Variants in TTC7B observed in about 807,000 individuals in gnomAD.
The protein encoded by TTC7B is tetratricopeptide repeat protein 7B.
TTC7B carries 28 observed loss-of-function variants against 106.8 expected under a neutral mutation model. The ratio of observed to expected loss-of-function variants is 0.26; its 90% CI spans 0.19 to 0.36. The LOEUF is 0.36. Among genes scored for constraint, TTC7B ranks in the 10% least tolerant of loss-of-function variants. The pLI, the probability that TTC7B is intolerant of heterozygous loss-of-function variation, is 1.00. For synonymous variants in TTC7B, 405 were observed against 430.6 expected (o/e 0.94, Z 0.74); for missense variants, 862 against 1,076.4 (o/e 0.80, Z 2.79).
Position 90,757,609 on chromosome 14 carries a change from G to A in TTC7B, c.446-12687C>T, listed in dbSNP as rs1260414040. On this transcript the variant is annotated intron_variant, in intron 3 of 19. Transcript: ENST00000328459. This position sits in a 1 kb window ranked among gnomAD's most constrained non-coding sequence, Gnocchi z 4.1. Reference sequence around the variant, plus strand: ...TCCAATGAGCTTACTACCACAGCAGGTCCACAGCAGTTGCCACACAGCTCC... The same window carrying A: ...TCCAATGAGCTTACTACCACAGCAGATCCACAGCAGTTGCCACACAGCTCC... Among the ~76,000 whole-genome samples, 2 of 152,152 alleles carry A rather than the reference G, an allele frequency of 1.3e-5. No homozygotes were observed. The highest frequency in any genetic ancestry group is 2.4e-5 in the African/African-American group (1 of 41,432).
At chr14:90,695,666 A>G in intron 5 of TTC7B, 88 bp from the exon 6 acceptor site, 1 of 779,628 alleles carries the variant, frequency 1.3e-6, no homozygotes, top group Admixed American at 3.4e-5. Flanking sequence ...TTTTGTCTGC[A>G]TAAAAGCTGT....
intron 5 of TTC7B, among the ~76,000 whole-genome samples, chr14:90,719,428 G>A (rs1046740722): frequency 2.6e-4 from 40 of 152,212 alleles, no homozygotes; most frequent in African/African-American, 9.6e-4. Flanking sequence ...GCCAGACTGG[G>A]AGGAACTGTA....
In TTC7B at chr14:90,607,378, C is replaced by T. The variant is rs116544782; in HGVS notation, c.1966+3364G>A. 4.9e-3 allele frequency among the ~76,000 whole-genome samples: 749 copies of T among 152,220 alleles called. 9 individuals are homozygous for T. The highest frequency in any genetic ancestry group is 0.015 in the African/African-American group (636 of 41,524). ...TAACACTGCAGGGCTCTGCTTGTGT[C>T]GGACGCCTGTGCCCTTTAAAGGGGA... On this transcript the variant is annotated intron_variant, in intron 17 of 19. Transcript: ENST00000328459.
At chr14:90,689,476 CT>C in intron 7 of TTC7B, 63 bp downstream of exon 7, 1 of 1,441,460 alleles carries the variant, frequency 6.9e-7, no homozygotes, top group Non-Finnish European at 9.5e-7. Flanking sequence ...TCTCATCATC[CT>C]TGAATTTTCC....
chr14:90,792,269 G>A (rs1001038792), intron 1 of TTC7B, among the ~76,000 whole-genome samples: 1 of 152,080 alleles, frequency 6.6e-6, no homozygotes, highest in Non-Finnish European at 1.5e-5. Context: ...TGTGGAGAGC[G>A]CTCAGTTCCA....
intron 18 of TTC7B, 63 bp downstream of exon 18, chr14:90,593,423 T>C: frequency 6.7e-7 from 1 of 1,488,142 alleles, no homozygotes; most frequent in Non-Finnish European, 9.0e-7. Flanking sequence ...CAGCAGCGGG[T>C]TGTGGGTGGG....
Position 90,532,445 on chromosome 14 carries a change from G to C in TTC7B, c.*8923C>G, listed in dbSNP as rs1011856847. ...GCAAACTGGCTGGGCCTAGTCATCTGGTACAAAGTGGCAGAACCTGACGCT... is the reference window on the plus strand; with the variant it reads ...GCAAACTGGCTGGGCCTAGTCATCTCGTACAAAGTGGCAGAACCTGACGCT... On this transcript the variant is annotated 3_prime_UTR_variant, in exon 20 of 20. Coordinates refer to ENST00000328459, the MANE Select transcript of TTC7B (RefSeq NM_001010854.2). 9 of 152,250 alleles carry C rather than the reference G, an allele frequency of 5.9e-5. No individual in the cohort carries two copies. The highest frequency in any genetic ancestry group is 1.3e-4 in the Admixed American group (2 of 15,304). 9.4% of individuals were successfully genotyped at this position (152,250 alleles called of 1,614,324 possible). A position where few individuals can be genotyped will look rare whatever the true frequency, so the allele number is the denominator to read the frequency against.
chr14:90,758,693 G>T (rs1365783271), intron 3 of TTC7B, among the ~76,000 whole-genome samples: 1 of 152,162 alleles, frequency 6.6e-6, no homozygotes, highest in Admixed American at 6.5e-5. Flanking sequence ...TCGTTCACAG[G>T]CCGCTAAACG....
At position 90,540,275 on chromosome 14, in the gene TTC7B, A is replaced by G. The variant is rs1889528928; in HGVS notation, c.*1093T>C. The G allele has an allele frequency of 6.6e-6, 1 of 152,162 alleles. No individual in the cohort carries two copies. Among genetic ancestry groups the G allele is most frequent in the African/African-American group, 2.4e-5 (1 of 41,420 alleles). 9.4% of individuals were successfully genotyped at this position (152,162 alleles called of 1,614,324 possible). A position where few individuals can be genotyped will look rare whatever the true frequency, so the allele number is the denominator to read the frequency against. On this transcript the variant is annotated 3_prime_UTR_variant, in exon 20 of 20. Coordinates refer to ENST00000328459, the MANE Select transcript of TTC7B (RefSeq NM_001010854.2). ...CCCGTCTCTACAAAAACAAACAAAC[A>G]AAATTAGCCGGGCATGCTAGTGTGC...
At chr14:90,640,224 AC>A (rs1566812973) in intron 15 of TTC7B, among the ~76,000 whole-genome samples, 1 of 152,014 alleles carries the variant, frequency 6.6e-6, no homozygotes, top group African/African-American at 2.4e-5. Flanking sequence ...GTGAGCTGTG[AC>A]TGTACCACTG....
chr14:90,546,540 T>A (rs1335594254), intron 19 of TTC7B, among the ~76,000 whole-genome samples: 1 of 152,166 alleles, frequency 6.6e-6, no homozygotes, highest in African/African-American at 2.4e-5. Flanking sequence ...GCTTGGGGCC[T>A]TCCTGCTAGA....
intron 5 of TTC7B, among the ~76,000 whole-genome samples, chr14:90,722,502 G>A (rs779169091): frequency 2.0e-5 from 3 of 152,168 alleles, no homozygotes; most frequent in Admixed American, 6.5e-5. Context: ...TCCTTAGCCT[G>A]CTGTTTAATC....
chr14:90,800,867 G>T (rs1172217387), intron 1 of TTC7B, among the ~76,000 whole-genome samples: 1 of 151,596 alleles, frequency 6.6e-6, no homozygotes, highest in African/African-American at 2.4e-5. Context: ...AATGAATAGA[G>T]GACACTAAAC....
At chr14:90,683,404 G>A (rs1951833057) in intron 7 of TTC7B, among the ~76,000 whole-genome samples, 1 of 152,200 alleles carries the variant, frequency 6.6e-6, no homozygotes, top group South Asian at 2.1e-4. Flanking sequence ...GCCAAGAATG[G>A]CTGAAGTCCC....
chr14:90,700,006 C>G (rs573515567), intron 5 of TTC7B, among the ~76,000 whole-genome samples: 2 of 152,238 alleles, frequency 1.3e-5, no homozygotes, highest in African/African-American at 4.8e-5. Context: ...AAAGAACCAT[C>G]ATGAGCCGAA....
At chr14:90,753,304 ACCAGAAAG>A (rs969310818) in intron 3 of TTC7B, among the ~76,000 whole-genome samples, 3 of 152,258 alleles carry the variant, frequency 2.0e-5, no homozygotes, top group Non-Finnish European at 2.9e-5. Flanking sequence ...AACTGAAAGT[ACCAGAAAG>A]CCTTTATTAT....
intron 4 of TTC7B, among the ~76,000 whole-genome samples, chr14:90,735,524 C>A (rs57038266): frequency 0.095 from 14,354 of 151,038 alleles, 1,682 homozygotes; most frequent in African/African-American, 0.28. Context: ...AAAAAAAGAT[C>A]CTATTCATAA....
chr14:90,745,768 G>A (rs1316953418), intron 3 of TTC7B, among the ~76,000 whole-genome samples: 5 of 150,150 alleles, frequency 3.3e-5, no homozygotes, highest in South Asian at 2.1e-4. Context: ...GCAGCAGTGC[G>A]ACCTCGGCTC....
intron 1 of TTC7B, among the ~76,000 whole-genome samples, chr14:90,797,528 G>C (rs868708861): frequency 2.6e-5 from 4 of 151,428 alleles, no homozygotes; most frequent in Non-Finnish European, 2.9e-5. Context: ...CTGTAATCCC[G>C]GGTAACCCAG....
Sources: allele counts gnomAD v4.1 joint callset (sites outside exome capture counted in the v4.1 genomes callset), GRCh38; gene constraint gnomAD v4.1.1; non-coding constraint Gnocchi (gnomAD v3.1); transcripts MANE v1.5; gene names NCBI Gene and HGNC (gene_info 2026-07-23, HGNC 2026-07-21).